MPPED1: variants seen among roughly 807,000 people sequenced by gnomAD.
The protein encoded by MPPED1 is metallophosphoesterase domain containing 1.
MPPED1 carries 16 observed loss-of-function variants against 36.2 expected under a neutral mutation model. The ratio of observed to expected loss-of-function variants is 0.44; its 90% CI spans 0.30 to 0.67. The LOEUF is 0.67. MPPED1 is among the 30% of genes least tolerant of loss of function. The pLI, the probability that MPPED1 is intolerant of heterozygous loss-of-function variation, is 0.10. For synonymous variants in MPPED1, 199 were observed against 191.3 expected, an observed-to-expected ratio of 1.04 and a Z score of -0.33; for missense variants, 307 against 453.4, an observed-to-expected ratio of 0.68 and a Z score of 2.93.
At chr22:43,503,049 G>T (rs1602031010) in intron 6 of MPPED1, among the ~76,000 whole-genome samples, 1 of 152,190 alleles carries the variant, frequency 6.6e-6, no homozygotes, top group South Asian at 2.1e-4. Context: ...AGGTGGGCAG[G>T]GGGTTTTCAG....
intron 2 of MPPED1, among the ~76,000 whole-genome samples, chr22:43,432,697 GGAGAGAGAGAGAAGGGGAGGA>G (rs1929774633): frequency 5.1e-4 from 2 of 3,942 alleles, no homozygotes; most frequent in Admixed American, 2.3e-3. Flanking sequence ...GAGAAAGGGA[GGAGAGAGAGAGAAGGGGAGGA>G]GAGAGAGAGA....
chr22:43,418,068 C>T, intron 1 of MPPED1: 5 of 456,278 alleles, frequency 1.1e-5, no homozygotes, highest in Non-Finnish European at 2.2e-5. Flanking sequence ...ATTATGCTAG[C>T]CCCCCAGTGA....
intron 1 of MPPED1, among the ~76,000 whole-genome samples, chr22:43,424,122 T>A (rs565478108): frequency 4.3e-4 from 66 of 152,134 alleles, no homozygotes; most frequent in Non-Finnish European, 8.7e-4. Context: ...GAAAAAGATT[T>A]GAAAAATATT....
At chr22:43,455,431 C>T (rs1174090489) in intron 3 of MPPED1, among the ~76,000 whole-genome samples, 1 of 152,086 alleles carries the variant, frequency 6.6e-6, no homozygotes, top group Non-Finnish European at 1.5e-5. Context: ...GTTACAGGGA[C>T]ACCAGTCATT....
chr22:43,483,103 CTGGGCCTGCA>C lies in MPPED1; in HGVS notation c.632+8146_632+8155del, dbSNP rs1229870244. On this transcript the variant is annotated intron_variant, in intron 4 of 6. Transcript: ENST00000443721. ...TGAGGTCCTGTGGGAACTGAACAAGCTGGGCCTGCATGGCAGGGAGGATGGAGGCCCCACC... is the reference window on the plus strand; with the variant it reads ...TGAGGTCCTGTGGGAACTGAACAAGCTGGCAGGGAGGATGGAGGCCCCACC... Among the ~76,000 whole-genome samples the C allele has an allele frequency of 1.1e-4, 16 of 152,366 alleles. No homozygotes were observed. In the East Asian group the frequency reaches 3.1e-3, roughly 29 times the overall value.
intron 2 of MPPED1, among the ~76,000 whole-genome samples, chr22:43,428,219 C>T (rs1236249869): frequency 6.6e-6 from 1 of 152,184 alleles, no homozygotes; most frequent in Non-Finnish European, 1.5e-5. Context: ...CGCAAGGATT[C>T]ACACCTGGCC....
chr22:43,486,280 G>A (rs1481135544), intron 4 of MPPED1, among the ~76,000 whole-genome samples: 2 of 152,264 alleles, frequency 1.3e-5, no homozygotes, highest in East Asian at 1.9e-4. Flanking sequence ...GGAAGGACTC[G>A]GGGCCAATGA....
At chr22:43,498,187 C>T (rs962106579) in intron 4 of MPPED1, 48 bp from the exon 5 acceptor site, 1 of 1,451,228 alleles carries the variant, frequency 6.9e-7, no homozygotes, top group Non-Finnish European at 9.3e-7. Context: ...CTCTGACCAC[C>T]CTGTACTTTC....
Position 43,427,818 on chromosome 22 carries a change from TG to T in MPPED1, c.224+2611del, listed in dbSNP as rs538304653. Among the ~76,000 whole-genome samples the T allele has an allele frequency of 7.2e-5, 11 of 152,080 alleles. 1 individual carries two copies. The South Asian group carries it at 2.3e-3, about 32-fold the overall frequency. The stretch of plus-strand genomic sequence containing the variant: ...ATTCCCCTTGCCGTGCCGCCCTCCT[TG>T]GATGGCGCATGCGCTCTGCATAGCT... On this transcript the variant is annotated intron_variant, in intron 2 of 6. Coordinates refer to ENST00000443721, the MANE Select transcript of MPPED1 (RefSeq NM_001044370.2).
At chr22:43,462,314 T>C (rs1484989111) in intron 3 of MPPED1, among the ~76,000 whole-genome samples, 1 of 152,236 alleles carries the variant, frequency 6.6e-6, no homozygotes, top group Admixed American at 6.5e-5. Flanking sequence ...AGTCACAGAG[T>C]GCTACAGGGC....
At chr22:43,500,317 TGGTGATGGTGGTGGTGGAGG>T (rs1932671727) in intron 5 of MPPED1, among the ~76,000 whole-genome samples, 1 of 135,486 alleles carries the variant, frequency 7.4e-6, no homozygotes, top group African/African-American at 2.8e-5. Context: ...GTGATGGAGG[TGGTGATGGTGGTGGTGGAGG>T]TGGTGGTGGT....
intron 3 of MPPED1, among the ~76,000 whole-genome samples, chr22:43,460,391 C>T (rs1373550425): frequency 6.6e-6 from 1 of 150,434 alleles, no homozygotes; most frequent in Admixed American, 6.6e-5. Context: ...AGTGCAGTGG[C>T]ACAATCGTGG....
At chr22:43,505,050 T>C (rs936515585) in intron 6 of MPPED1, among the ~76,000 whole-genome samples, 2 of 151,672 alleles carry the variant, frequency 1.3e-5, no homozygotes, top group African/African-American at 2.4e-5. Context: ...GTGTTGGTGA[T>C]GATGTTGATC....
rs375468947 is a variant in MPPED1, at chr22:43,492,750, C to T, written c.633-5485C>T. On this transcript the variant is annotated intron_variant, in intron 4 of 6. Transcript: ENST00000443721. ...TGCTTTCTTCTTCTCCCCCAAGAAC[C>T]GGGCAGGAGCGACAGCCCTCTTCCT... Among the ~76,000 whole-genome samples the T allele has an allele frequency of 5.9e-4, 90 of 152,154 alleles. 1 individual carries two copies. The highest frequency in any genetic ancestry group is 1.4e-3 in the Admixed American group (21 of 15,282).
At chr22:43,444,793 CT>C (rs1930278190) in intron 3 of MPPED1, among the ~76,000 whole-genome samples, 1 of 150,928 alleles carries the variant, frequency 6.6e-6, no homozygotes, top group Non-Finnish European at 1.5e-5. Flanking sequence ...TCTGAAAGTT[CT>C]TGTGTGGCTT....
intron 4 of MPPED1, among the ~76,000 whole-genome samples, chr22:43,485,736 A>G (rs1262497470): frequency 1.3e-5 from 2 of 152,252 alleles, no homozygotes; most frequent in Non-Finnish European, 2.9e-5. Flanking sequence ...TCCTGCCGCA[A>G]AGTCCCAGCG....
At chr22:43,455,669 T>C (rs953647819) in intron 3 of MPPED1, among the ~76,000 whole-genome samples, 2 of 152,234 alleles carry the variant, frequency 1.3e-5, no homozygotes, top group African/African-American at 4.8e-5. Context: ...TGCAGGAAGC[T>C]ATGGAAACCC....
At chr22:43,429,939 T>C (rs1044443105) in intron 2 of MPPED1, among the ~76,000 whole-genome samples, 1 of 152,114 alleles carries the variant, frequency 6.6e-6, no homozygotes, top group Non-Finnish European at 1.5e-5. Flanking sequence ...GGTGTGGGGA[T>C]GCAGGAGGGT....
chr22:43,489,671 A>G (rs1932024480), intron 4 of MPPED1, among the ~76,000 whole-genome samples: 2 of 152,084 alleles, frequency 1.3e-5, no homozygotes, highest in South Asian at 2.1e-4. Flanking sequence ...AGCATGTGCC[A>G]CTATGCCCAG....
Sources: allele counts gnomAD v4.1 joint callset (sites outside exome capture counted in the v4.1 genomes callset), GRCh38; gene constraint gnomAD v4.1.1; transcripts MANE v1.5; gene names NCBI Gene and HGNC (gene_info 2026-07-23, HGNC 2026-07-21).